ZNF324B: variants seen among roughly 807,000 people sequenced by gnomAD.
The protein encoded by ZNF324B is zinc finger protein 324B.
Under a neutral mutation model 10.6 loss-of-function variants are expected in ZNF324B, and 7 were observed. The observed-to-expected ratio is 0.66, with a 90% CI of 0.38 to 1.24. The LOEUF is 1.24. Among genes scored for constraint, ZNF324B ranks in the 50% most tolerant of loss-of-function variants. The pLI is 0.02. For synonymous variants in ZNF324B, 316 were observed against 321.0 expected (o/e 0.98, Z 0.17); for missense variants, 640 against 764.7 (o/e 0.84, Z 1.92).
chr19:58,446,743 A>AT, upstream of ZNF324B, among the ~76,000 whole-genome samples: 1 of 150,904 alleles, frequency 6.6e-6, no homozygotes, highest in Non-Finnish European at 1.5e-5. Context: ...CGCCCGGCTA[A>AT]TTTTTTGTAT....
At chr19:58,422,044 A>G in the ZNF324B span, among the ~76,000 whole-genome samples, 1 of 152,064 alleles carries the variant, frequency 6.6e-6, no homozygotes, top group Admixed American at 6.6e-5. Context: ...CAGCCCCCCA[A>G]GTAGCTGGGA....
chr19:58,436,884 C>G, the ZNF324B span: 1 of 949,540 alleles, frequency 1.1e-6, no homozygotes, highest in Non-Finnish European at 1.7e-6. Context: ...CAGAGAGAGA[C>G]AGGGGAAGTA....
rs2052906599 is a variant in ZNF324B, at chr19:58,455,456, G to A, written c.512G>A (p.Ser171Asn). Reference sequence around the variant, plus strand: ...ACCTCCCCACTCAGGCCCCCCAAGAGCAGCCGGCCCAGGGAAAAGACCTTC... The same window carrying A: ...ACCTCCCCACTCAGGCCCCCCAAGAACAGCCGGCCCAGGGAAAAGACCTTC... ...RLTSPLRPPKSSRPREKTFTE... is the reference protein window; with the variant it reads ...RLTSPLRPPKNSRPREKTFTE... Residue 171 changes from serine to asparagine, a missense_variant, in exon 4 of 4, where the codon AGC (serine) becomes AAC (asparagine). Around this residue, in one of 3 missense-constraint regions of ZNF324B, gnomAD observed 345 missense variants for 387.9 expected, o/e 0.89. Coordinates refer to ENST00000336614, the MANE Select transcript of ZNF324B (RefSeq NM_207395.3). This position sits in a 1 kb window ranked among gnomAD's most constrained non-coding sequence, Gnocchi z 7.0. The A allele has an allele frequency of 6.2e-7, 1 of 1,614,006 alleles. No individual in the cohort carries two copies. The highest frequency in any genetic ancestry group is 1.3e-5 in the African/African-American group (1 of 74,944).
the ZNF324B span, among the ~76,000 whole-genome samples, chr19:58,421,163 C>G: frequency 2.0e-5 from 3 of 152,032 alleles, no homozygotes; most frequent in East Asian, 5.8e-4. Flanking sequence ...GCCTGTCTTA[C>G]GGGGAAGTGC....
chr19:58,449,557 C>T (rs964194698), upstream of ZNF324B, among the ~76,000 whole-genome samples: 1 of 152,240 alleles, frequency 6.6e-6, no homozygotes, highest in Admixed American at 6.5e-5. Context: ...AGCCACAGAG[C>T]TGCAGCTGCC....
At chr19:58,444,398 G>A in the ZNF324B span, 3 of 152,258 alleles carry the variant, frequency 2.0e-5, no homozygotes, top group Non-Finnish European at 2.9e-5. Flanking sequence ...TACTTGGGAT[G>A]CTGAGGCAGG....
the ZNF324B span, among the ~76,000 whole-genome samples, chr19:58,446,172 G>A: frequency 6.6e-6 from 1 of 152,130 alleles, no homozygotes; most frequent in South Asian, 2.1e-4. Flanking sequence ...AGCCCTACAT[G>A]AGTAGCCTTC....
chr19:58,434,572 T>C, the ZNF324B span: 1 of 1,614,122 alleles, frequency 6.2e-7, no homozygotes. Flanking sequence ...CTTACACACA[T>C]GGGGTATTTC....
chr19:58,440,568 CAG>C, the ZNF324B span: 1 of 152,362 alleles, frequency 6.6e-6, no homozygotes, highest in African/African-American at 2.4e-5. Context: ...CCCATGGAAA[CAG>C]GAGCGAGGAA....
the ZNF324B span, chr19:58,440,075 G>A: frequency 2.0e-6 from 1 of 509,966 alleles, no homozygotes. Context: ...GACGGTCCCT[G>A]CACCCACTCC....
the ZNF324B span, among the ~76,000 whole-genome samples, chr19:58,421,136 T>A: frequency 6.6e-6 from 1 of 152,072 alleles, no homozygotes; most frequent in African/African-American, 2.4e-5. Context: ...AGTGGCAAAC[T>A]GCCATGGCAA....
intron 2 of ZNF324B, 46 bp downstream of exon 2, chr19:58,453,868 G>T: frequency 6.3e-7 from 1 of 1,592,074 alleles, no homozygotes; most frequent in East Asian, 2.2e-5. Context: ...GTGACAATCA[G>T]GACTGCCTCT....
chr19:58,453,006 C>G (rs919102671), intron 1 of ZNF324B, among the ~76,000 whole-genome samples: 2 of 151,764 alleles, frequency 1.3e-5, no homozygotes, highest in Non-Finnish European at 2.9e-5. Flanking sequence ...ACCCGGGAGC[C>G]GGAGCTTGCA....
chr19:58,425,782 T>C, the ZNF324B span, among the ~76,000 whole-genome samples: 1 of 152,176 alleles, frequency 6.6e-6, no homozygotes, highest in East Asian at 1.9e-4. Context: ...GAGATATTTC[T>C]TTATAGTAAC....
the ZNF324B span, chr19:58,434,793 C>G: frequency 6.2e-7 from 1 of 1,612,892 alleles, no homozygotes; most frequent in Non-Finnish European, 8.5e-7. Flanking sequence ...AATATGGCTT[C>G]TGCCCACTGT....
the ZNF324B span, chr19:58,440,703 T>A: frequency 6.8e-6 from 1 of 147,420 alleles, no homozygotes; most frequent in South Asian, 2.3e-4. Context: ...ACCCTGTGCC[T>A]TAGATAAAGC....
At chr19:58,449,214 C>T (rs760800520), upstream of ZNF324B, among the ~76,000 whole-genome samples, 1 of 152,158 alleles carries the variant, frequency 6.6e-6, no homozygotes, top group Non-Finnish European at 1.5e-5. Context: ...TGTGGGTGCA[C>T]AGAACTCAAG....
chr19:58,421,296 C>T, the ZNF324B span, among the ~76,000 whole-genome samples: 1 of 152,172 alleles, frequency 6.6e-6, no homozygotes, highest in Non-Finnish European at 1.5e-5. Flanking sequence ...TCCATTGCTC[C>T]CCCACTTCCC....
chr19:58,431,994 C>T, the ZNF324B span, among the ~76,000 whole-genome samples: 1,187 of 147,244 alleles, frequency 8.1e-3, 23 homozygotes, highest in African/African-American at 0.028. Context: ...GACTCCATAT[C>T]AAAAAAAAAA....
Sources: allele counts gnomAD v4.1 joint callset (sites outside exome capture counted in the v4.1 genomes callset), GRCh38; gene constraint gnomAD v4.1.1; regional missense constraint gnomAD v4.1.1; non-coding constraint Gnocchi (gnomAD v3.1); transcripts MANE v1.5; gene names NCBI Gene and HGNC (gene_info 2026-07-23, HGNC 2026-07-21).